Variants in MCM2 observed in about 807,000 individuals in gnomAD.
The protein encoded by MCM2 is minichromosome maintenance complex component 2.
Under a neutral mutation model 86.4 loss-of-function variants are expected in MCM2, and 49 were observed. The ratio of observed to expected loss-of-function variants is 0.57; its 90% CI spans 0.45 to 0.72. The LOEUF (loss-of-function observed/expected upper bound fraction) is 0.72. Among genes scored for constraint, MCM2 ranks in the 30% least tolerant of loss-of-function variants. MCM2 has a pLI of 0.00. For missense variants in MCM2, 1,038 were observed against 1,259.9 expected (o/e 0.82, Z 2.67); for synonymous variants, 475 against 484.6 (o/e 0.98, Z 0.26).
intron 6 of MCM2, among the ~76,000 whole-genome samples, chr3:127,607,816 C>G (rs2074362352): frequency 1.3e-5 from 2 of 152,198 alleles, no homozygotes; most frequent in South Asian, 4.1e-4. Context: ...GGTCACCCAA[C>G]CAGAATGTGT....
chr3:127,619,465 G>A (rs537928177), intron 13 of MCM2, among the ~76,000 whole-genome samples, 187 bp downstream of exon 13: 12 of 151,476 alleles, frequency 7.9e-5, no homozygotes, highest in African/African-American at 2.2e-4. Flanking sequence ...TTGGGAGGCC[G>A]AGGCAGGAGG....
intron 8 of MCM2, among the ~76,000 whole-genome samples, chr3:127,613,548 G>A (rs1426191588): frequency 6.6e-5 from 10 of 152,226 alleles, no homozygotes; most frequent in Non-Finnish European, 2.9e-5. Context: ...CATAGCAAGT[G>A]GCAGAGTCAG....
intron 6 of MCM2, 61 bp from the exon 7 acceptor site, chr3:127,608,321 G>C (rs530675149): frequency 1.3e-6 from 2 of 1,588,224 alleles, no homozygotes; most frequent in African/African-American, 2.7e-5. Flanking sequence ...TCCTGTTCGG[G>C]GGTCAAGGTT....
chr3:127,608,511 G>A lies in MCM2; in HGVS notation c.1231G>A (p.Glu411Lys), dbSNP rs373695678. ...GGTGGACAGCTGCAAGCCAGGAGACGAGATAGTAAGTGGCCGGGGCAGGCT... is the reference window on the plus strand; with the variant it reads ...GGTGGACAGCTGCAAGCCAGGAGACAAGATAGTAAGTGGCCGGGGCAGGCT... ...DLVDSCKPGD[E>K]IELTGIYHNN... is the part of the protein sequence containing the mutation. The change falls in exon 7 of 16, where the codon GAG (glutamate) becomes AAG (lysine). Residue 411 changes from glutamate to lysine, a missense_variant. Transcript: ENST00000265056. 37 of 1,614,064 alleles carry A rather than the reference G, an allele frequency of 2.3e-5. No individual in the cohort carries two copies. The highest frequency in any genetic ancestry group is 3.1e-5 in the Non-Finnish European group (36 of 1,180,040).
At chr3:127,600,876 CA>C (rs1223033763) in intron 2 of MCM2, among the ~76,000 whole-genome samples, 1,530 of 84,468 alleles carry the variant, frequency 0.018, 12 homozygotes, top group African/African-American at 0.047. Flanking sequence ...TGTGGTTTTT[CA>C]AAAAAAAAAA....
rs2074368421 is a variant in MCM2, at chr3:127,608,610, A to T, written c.1236+94A>T. On this transcript the variant is annotated intron_variant, in intron 7 of 15. Transcript: ENST00000265056. ...GGCCGGTGGCGGTGTCTATGGTCGC[A>T]GGGGCACTCGGGCTAGGATCTGTTT... The T allele has an allele frequency of 5.3e-6, 8 of 1,515,860 alleles. No individual in the cohort carries two copies. In the South Asian group the frequency reaches 7.1e-5, roughly 14 times the overall value. The allele number at this position is 1,515,860 out of a possible 1,614,324, so 93.9% of individuals were successfully genotyped here.
chr3:127,612,599 C>G (rs1174057037), intron 8 of MCM2, among the ~76,000 whole-genome samples: 3 of 152,194 alleles, frequency 2.0e-5, no homozygotes, highest in Non-Finnish European at 4.4e-5. Flanking sequence ...CATAAGCAGC[C>G]AGTAGGTAGG....
In MCM2 at chr3:127,599,509, A is replaced by G. The variant is rs757457211; in HGVS notation, c.198A>G (p.Glu66=). ...GCACAGAGGGGCCCCTGGAGGAAGAAGAGGATGGAGAGGAGCTCATTGGAG... is the reference window on the plus strand; with the variant it reads ...GCACAGAGGGGCCCCTGGAGGAAGAGGAGGATGGAGAGGAGCTCATTGGAG... ...LLGTEGPLEE[E]EDGEELIGDG... The change falls in exon 2 of 16, where the codon GAA becomes GAG. Residue 66 remains glutamate, a synonymous_variant. Coordinates refer to ENST00000265056, the MANE Select transcript of MCM2 (RefSeq NM_004526.4). 5 of 1,614,060 alleles carry G rather than the reference A, an allele frequency of 3.1e-6. No individual in the cohort carries two copies. Among genetic ancestry groups the G allele is most frequent in the Non-Finnish European group, 4.2e-6 (5 of 1,179,958 alleles).
At chr3:127,613,347 G>A (rs2074412826) in intron 8 of MCM2, among the ~76,000 whole-genome samples, 1 of 152,180 alleles carries the variant, frequency 6.6e-6, no homozygotes, top group South Asian at 2.1e-4. Context: ...TCCGTGGAGT[G>A]GTCTGCCCAG....
chr3:127,599,181 C>T, intron 1 of MCM2, 137 bp from the exon 2 acceptor site: 1 of 732,318 alleles, frequency 1.4e-6, no homozygotes. Flanking sequence ...GATCTGGAGG[C>T]TGGAAGGGGT....
chr3:127,621,273 G>A (rs200234675), intron 15 of MCM2, 45 bp downstream of exon 15: 109 of 1,606,768 alleles, frequency 6.8e-5, no homozygotes, highest in Admixed American at 2.0e-4. Context: ...TGCTGACTTG[G>A]GAGCTGCCAG....
rs782427 is a variant in MCM2 at position 127,618,091 on chromosome 3, A to G, written c.2013+10A>G. The G allele has an allele frequency of 0.77, 1,232,684 of 1,608,844 alleles. 474,827 individuals are homozygous for G. The highest frequency in any genetic ancestry group is 0.95 in the African/African-American group (71,352 of 74,944). On this transcript the variant is annotated intron_variant, in intron 12 of 15. Coordinates refer to ENST00000265056, the MANE Select transcript of MCM2 (RefSeq NM_004526.4). The surrounding 1 kb of genome is among the most constrained non-coding windows in gnomAD (Gnocchi z 4.0). ...CGTGGACCCAGTCCAGGTATAGCTC[A>G]CATGTGCCCGGTTTCCATGAACTGT...
In MCM2 at chr3:127,608,508, G is replaced by C; in HGVS notation, c.1228G>C (p.Asp410His). Reference sequence around the variant, plus strand: ...TCTGGTGGACAGCTGCAAGCCAGGAGACGAGATAGTAAGTGGCCGGGGCAG... The same window carrying C: ...TCTGGTGGACAGCTGCAAGCCAGGACACGAGATAGTAAGTGGCCGGGGCAG... ...ADLVDSCKPG[D>H]EIELTGIYHN... Residue 410 changes from aspartate (D) to histidine (H), a missense_variant, in exon 7 of 16, where the codon GAC becomes CAC. Physicochemically the swap from Asp to His is moderately conservative, Grantham distance 81. Transcript: ENST00000265056. 1 of 1,614,216 alleles carries C rather than the reference G, an allele frequency of 6.2e-7. No homozygotes were observed. The highest frequency in any genetic ancestry group is 1.7e-5 in the Admixed American group (1 of 60,032).
Position 127,609,173 on chromosome 3 carries a change from G to A in MCM2, c.1428+150G>A, listed in dbSNP as rs754559800. 262 of 809,528 alleles carry A rather than the reference G, an allele frequency of 3.2e-4. 1 individual carries two copies. Among genetic ancestry groups the A allele is most frequent in the Middle Eastern group, 1.1e-3 (3 of 2,724 alleles). 50.1% of individuals were successfully genotyped at this position (809,528 alleles called of 1,614,324 possible). A position where few individuals can be genotyped will look rare whatever the true frequency, so the allele number is the denominator to read the frequency against. ...AGCTTGTCTGGAAGGGAGGCCCTGT[G>A]CTCCAGGGAAGAGGTAAACTCGCAT... On this transcript the variant is annotated intron_variant, in intron 8 of 15. Coordinates refer to ENST00000265056, the MANE Select transcript of MCM2 (RefSeq NM_004526.4).
Position 127,618,145 on chromosome 3 carries a change from G to A in MCM2, c.2013+64G>A. On this transcript the variant is annotated intron_variant, in intron 12 of 15. Coordinates refer to ENST00000265056, the MANE Select transcript of MCM2 (RefSeq NM_004526.4). This position sits in a 1 kb window ranked among gnomAD's most constrained non-coding sequence, Gnocchi z 4.0. The stretch of plus-strand genomic sequence containing the variant: ...TTGGGGACCTCAGGTGAGGCTTGGG[G>A]TCATACAGTGTGCCCAACACAGGGG... 1.5e-6 allele frequency: 2 copies of A among 1,303,428 alleles called. No homozygotes were observed. The highest frequency in any genetic ancestry group is 2.2e-6 in the Non-Finnish European group (2 of 907,886). The allele number at this position is 1,303,428 out of a possible 1,614,324, so 80.7% of individuals were successfully genotyped here. A position where few individuals can be genotyped will look rare whatever the true frequency, so the allele number is the denominator to read the frequency against.
At chr3:127,616,792 G>A in intron 9 of MCM2, 76 bp from the exon 10 acceptor site, 1 of 1,489,170 alleles carries the variant, frequency 6.7e-7, no homozygotes, top group Non-Finnish European at 9.2e-7. Flanking sequence ...TTGAGGAATT[G>A]GTGGGGGATG....
chr3:127,619,127 C>G lies in MCM2; in HGVS notation c.2114C>G (p.Ala705Gly). Residue 705 changes from alanine to glycine, a missense_variant, in exon 13 of 16, where the codon GCC becomes GGC. By Grantham distance (60) the Ala-to-Gly change is moderately conservative. Transcript: ENST00000265056. ...GLANGSAAEPAMPNTYGVEPL... is the reference protein window; with the variant it reads ...GLANGSAAEPGMPNTYGVEPL... ...GCCAATGGCAGCGCTGCTGAGCCCG[C>G]CATGCCCAACACGTATGGCGTGGAG... The G allele has an allele frequency of 6.2e-7, 1 of 1,614,052 alleles. No individual in the cohort carries two copies. The highest frequency in any genetic ancestry group is 1.3e-5 in the African/African-American group (1 of 75,060).
intron 1 of MCM2, 37 bp from the exon 2 acceptor site, chr3:127,599,281 C>T (rs759341927): frequency 6.3e-7 from 1 of 1,585,730 alleles, no homozygotes. Flanking sequence ...GCCTCACCAG[C>T]TTCCTAGGTT....
In MCM2 at chr3:127,619,069, C is replaced by T. The variant is rs11541852; in HGVS notation, c.2056C>T (p.His686Tyr). 5 of 1,611,420 alleles carry T rather than the reference C, an allele frequency of 3.1e-6. No individual in the cohort carries two copies. Among genetic ancestry groups the T allele is most frequent in the East Asian group, 4.5e-5 (2 of 44,778 alleles). Residue 686 changes from histidine (H) to tyrosine (Y), a missense_variant, in exon 13 of 16, where the codon CAC (histidine) becomes TAC (tyrosine). By Grantham distance (83) the His-to-Tyr change is moderately conservative (BLOSUM62 2). Around this residue, in one of 4 missense-constraint regions of MCM2, gnomAD observed 336 missense variants for 425.7 expected, o/e 0.79. Transcript: ENST00000265056. ...CTTCGTGGTGGGCAGCCACGTCAGA[C>T]ACCACCCCAGCAACAAGGAGGAGGA... The part of the protein sequence containing the change: ...ARFVVGSHVR[H>Y]HPSNKEEEGL...
Sources: gnomAD v4.1 joint callset for allele counts (sites outside exome capture counted in the v4.1 genomes callset) on GRCh38, gnomAD v4.1.1 for gene constraint, gnomAD v4.1.1 regional missense constraint, Gnocchi (gnomAD v3.1) non-coding constraint, MANE v1.5 for transcripts, NCBI Gene and HGNC (gene_info 2026-07-23, HGNC 2026-07-21) for gene names.